Variants in COX7A2L observed in about 807,000 individuals in gnomAD.
COX7A2L encodes cytochrome c oxidase subunit 7A2 like.
In COX7A2L, 18 loss-of-function variants were observed where a neutral mutation model predicts 14.2. That is an observed-to-expected ratio of 1.27 (90% CI 0.88 to 1.88). The LOEUF is 1.88. Among genes scored for constraint, COX7A2L ranks in the 40% most tolerant of loss-of-function variants. The pLI is 0.00. For synonymous variants in COX7A2L, 65 were observed against 57.4 expected (o/e 1.13, Z -0.60); for missense variants, 179 against 138.8 (o/e 1.29, Z -1.46).
chr2:42,337,880 A>G (rs1282556351), intron 2 of COX7A2L, among the ~76,000 whole-genome samples: 2 of 152,206 alleles, frequency 1.3e-5, no homozygotes, highest in Non-Finnish European at 2.9e-5. Context: ...TCCACTGACC[A>G]GTCAGAGGAG....
intron 2 of COX7A2L, 140 bp from the exon 3 acceptor site, chr2:42,351,499 CTAG>C: frequency 1.0e-6 from 1 of 967,040 alleles, no homozygotes; most frequent in Non-Finnish European, 1.5e-6. Flanking sequence ...CCATGGAATG[CTAG>C]TAGAAGTTCC....
rs185444762 is a variant in COX7A2L at position 42,351,341 on chromosome 2, C to T, written c.223G>A (p.Val75Ile). The T allele has an allele frequency of 8.2e-5, 133 of 1,613,990 alleles. No individual in the cohort carries two copies. Among genetic ancestry groups the T allele is most frequent in the Non-Finnish European group, 1.0e-4 (122 of 1,179,972 alleles). ...TCAGGCAGGCCTCGTTTCAGGTAGA[C>T]GGGCACACCATCAGCTTTCTTGAAA... is the stretch of plus-strand genomic sequence containing the variant. ...KFFQKADGVPVYLKRGLPDQM... is the reference protein window; with the variant it reads ...KFFQKADGVPIYLKRGLPDQM... Residue 75 changes from valine to isoleucine, a missense_variant, in exon 3 of 3, where the codon GTC becomes ATC. Transcript: ENST00000234301.
In COX7A2L at chr2:42,361,105, C is replaced by T; in HGVS notation, c.57G>A (p.Glu19=). 3 of 1,613,810 alleles carry T rather than the reference C, an allele frequency of 1.9e-6. No homozygotes were observed. Among genetic ancestry groups the T allele is most frequent in the Non-Finnish European group, 2.5e-6 (3 of 1,179,898 alleles). ...CCACTCGTACCTGCGGGCTATAGGC[C>T]TCCGAAGCCCATGCTCCTGCCAACT... The part of the protein sequence containing the change: ...TQKLAGAWAS[E]AYSPQGLKPV... The change falls in exon 1 of 3, where the codon GAG becomes GAA. Residue 19 remains glutamate, a synonymous_variant. Transcript: ENST00000234301.
chr2:42,362,944 G>A (rs1346201698), upstream of COX7A2L, among the ~76,000 whole-genome samples: 2 of 146,560 alleles, frequency 1.4e-5, no homozygotes, highest in Non-Finnish European at 3.0e-5. Flanking sequence ...GTGTGATCTC[G>A]GCTCATTGCA....
chr2:42,360,739 G>A (rs941582025), intron 1 of COX7A2L, among the ~76,000 whole-genome samples: 13 of 152,162 alleles, frequency 8.5e-5, no homozygotes, highest in African/African-American at 2.9e-4. Context: ...GAGGCCGAAA[G>A]CCAGATGTCT....
At position 42,351,211 on chromosome 2, in the gene COX7A2L, A is replaced by G; in HGVS notation, c.*8T>C. 6.2e-7 allele frequency: 1 copy of G among 1,612,408 alleles called. No individual in the cohort carries two copies. The highest frequency in any genetic ancestry group is 1.1e-5 in the South Asian group (1 of 90,634). On this transcript the variant is annotated 3_prime_UTR_variant, in exon 3 of 3. Transcript: ENST00000234301. Reference sequence around the variant, plus strand: ...GCCAAAAAACAAACCAGTCCTCTGCAGCCTAACTCATTTGTTTTTGGGCTG... The same window carrying G: ...GCCAAAAAACAAACCAGTCCTCTGCGGCCTAACTCATTTGTTTTTGGGCTG...
At chr2:42,366,944 G>T (rs1401785005) in intron 1 of COX7A2L, among the ~76,000 whole-genome samples, 1 of 152,162 alleles carries the variant, frequency 6.6e-6, no homozygotes, top group African/African-American at 2.4e-5. Context: ...AGCCATCAAA[G>T]ATAAGGAATC....
chr2:42,340,689 C>A (rs1670385268), intron 2 of COX7A2L, among the ~76,000 whole-genome samples: 1 of 152,114 alleles, frequency 6.6e-6, no homozygotes, highest in Non-Finnish European at 1.5e-5. Flanking sequence ...CACCTACTCA[C>A]GTGAGGTGCA....
At chr2:42,343,994 CAGAA>C (rs1405998833) in intron 2 of COX7A2L, among the ~76,000 whole-genome samples, 4 of 152,124 alleles carry the variant, frequency 2.6e-5, no homozygotes, top group Non-Finnish European at 5.9e-5. Flanking sequence ...ATCTGGCTGA[CAGAA>C]AGAGCAAAGC....
At chr2:42,337,301 G>A (rs1022572532) in intron 2 of COX7A2L, among the ~76,000 whole-genome samples, 6 of 152,178 alleles carry the variant, frequency 3.9e-5, no homozygotes, top group Admixed American at 2.6e-4. Context: ...AAAAAGGGCT[G>A]TGAACACATG....
chr2:42,336,211 G>A (rs1670268279), intron 2 of COX7A2L, among the ~76,000 whole-genome samples: 2 of 152,218 alleles, frequency 1.3e-5, no homozygotes, highest in South Asian at 4.2e-4. Context: ...CCAACTCCAT[G>A]CTCAGCCATA....
In COX7A2L at chr2:42,339,904, G is replaced by A. The variant is rs903089228; in HGVS notation, c.193-6035C>T. Among the ~76,000 whole-genome samples, 16 of 152,152 alleles carry A rather than the reference G, an allele frequency of 1.1e-4. No homozygotes were observed. The highest frequency in any genetic ancestry group is 3.9e-4 in the East Asian group (2 of 5,182). On this transcript the variant is annotated intron_variant, in intron 2 of 2. Transcript: ENST00000468711. This position sits in a 1 kb window ranked among gnomAD's most constrained non-coding sequence, Gnocchi z 5.4. ...CCACCTTCCTCTGTTCACACAACCC[G>A]TGAACCTCGCTGCTCTCTTCCTCTC... is the stretch of plus-strand genomic sequence containing the variant.
intron 2 of COX7A2L, among the ~76,000 whole-genome samples, chr2:42,336,240 C>A (rs1343957753): frequency 3.3e-5 from 5 of 152,288 alleles, no homozygotes; most frequent in African/African-American, 1.2e-4. Flanking sequence ...ATCTTCCGTC[C>A]CTTCTCCCTG....
rs80210883 is a variant in COX7A2L at position 42,366,710 on chromosome 2, A to C, written c.-688+2158T>G. ...GATATTGCCCAAAAATTAATTTAGC[A>C]TGATGTAAAGCATTAGAGTTTTGAG... is the stretch of plus-strand genomic sequence containing the variant. On this transcript the variant is annotated intron_variant, in intron 1 of 3. Transcript: ENST00000378669. Among the ~76,000 whole-genome samples the C allele has an allele frequency of 9.0e-3, 1,365 of 152,344 alleles. 28 individuals are homozygous for C. The highest frequency in any genetic ancestry group is 0.031 in the African/African-American group (1,290 of 41,574).
downstream of COX7A2L, among the ~76,000 whole-genome samples, chr2:42,344,863 A>G (rs1317147714): frequency 1.3e-5 from 2 of 151,848 alleles, no homozygotes; most frequent in East Asian, 1.9e-4. Flanking sequence ...AAAAAAAAAA[A>G]GGCATCGCAA....
intron 1 of COX7A2L, among the ~76,000 whole-genome samples, chr2:42,357,929 A>G (rs1219272877): frequency 6.6e-5 from 10 of 151,966 alleles, no homozygotes; most frequent in Non-Finnish European, 2.9e-5. Context: ...TACCTACCCA[A>G]TGCTTCTCCT....
chr2:42,338,616 C>T lies in COX7A2L; in HGVS notation c.193-4747G>A, dbSNP rs554154729. ...TCCCCCCGATAGGACTCAGCCCCCA[C>T]CAAGACCGTAGAGCCTTAGTGTGAT... On this transcript the variant is annotated intron_variant, in intron 2 of 2. Coordinates refer to the COX7A2L transcript ENST00000468711. This position sits in a 1 kb window ranked among gnomAD's most constrained non-coding sequence, Gnocchi z 4.4. 9.8e-5 allele frequency among the ~76,000 whole-genome samples: 15 copies of T among 152,326 alleles called. No individual in the cohort carries two copies. The highest frequency in any genetic ancestry group is 2.1e-4 in the Non-Finnish European group (14 of 68,034).
At position 42,350,809 on chromosome 2, in the gene COX7A2L, T is replaced by C. The variant is rs987580870; in HGVS notation, c.*410A>G. On this transcript the variant is annotated 3_prime_UTR_variant, in exon 3 of 3. Transcript: ENST00000234301. ...CCCCGAGGTGACTAACTCAAACTCC[T>C]CATTTCATGCACATGACCTTGGCTT... 5.2e-5 allele frequency: 8 copies of C among 154,160 alleles called. No homozygotes were observed. The highest frequency in any genetic ancestry group is 1.9e-4 in the African/African-American group (8 of 41,532). The allele number at this position is 154,160 out of a possible 1,614,324, so 9.5% of individuals were successfully genotyped here.
At chr2:42,346,816 TA>T (rs1403093351), downstream of COX7A2L, among the ~76,000 whole-genome samples, 4 of 152,222 alleles carry the variant, frequency 2.6e-5, no homozygotes, top group Non-Finnish European at 5.9e-5. Flanking sequence ...ATATCTTTTT[TA>T]AAAAAATGTT....
Sources: gnomAD v4.1 joint callset for allele counts (sites outside exome capture counted in the v4.1 genomes callset) on GRCh38, gnomAD v4.1.1 for gene constraint, Gnocchi (gnomAD v3.1) non-coding constraint, MANE v1.5 for transcripts, NCBI Gene and HGNC (gene_info 2026-07-23, HGNC 2026-07-21) for gene names.